The following GLDC variants were observed in gnomAD, a reference collection of about 807,000 sequenced individuals.
GLDC encodes glycine decarboxylase, also known as glycine dehydrogenase (decarboxylating), mitochondrial.
GLDC carries 104 observed loss-of-function variants against 121.3 expected under a neutral mutation model. The ratio of observed to expected loss-of-function variants is 0.86; its 90% CI spans 0.73 to 1.01. GLDC has a LOEUF of 1.01. Among genes scored for constraint, GLDC ranks in the 50% least tolerant of loss-of-function variants. The pLI, the probability that GLDC is intolerant of heterozygous loss-of-function variation, is 0.00. For missense variants in GLDC, 1,429 were observed against 1,306.6 expected, an observed-to-expected ratio of 1.09 and a Z score of -1.44; for synonymous variants, 546 against 480.6, an observed-to-expected ratio of 1.14 and a Z score of -1.78.
intron 9 of GLDC, among the ~76,000 whole-genome samples, chr9:6,594,798 GAAAT>G (rs1347441139): frequency 7.5e-5 from 9 of 119,468 alleles, no homozygotes; most frequent in Non-Finnish European, 1.6e-4. Flanking sequence ...CAAGAAAAAG[GAAAT>G]AAAAGAAAGA....
At chr9:6,586,274 A>T (rs1052598356) in intron 15 of GLDC, among the ~76,000 whole-genome samples, 2 of 152,152 alleles carry the variant, frequency 1.3e-5, no homozygotes, top group Non-Finnish European at 2.9e-5. Flanking sequence ...CAGCCTGGGC[A>T]ACAAGAGCAA....
rs531609427 is a variant in GLDC at position 6,565,264 on chromosome 9, G to A, written c.1926+90C>T. On this transcript the variant is annotated intron_variant, in intron 16 of 24. Transcript: ENST00000321612. ...ATGTTCCCTCATCTGCTTCCAAGAAGGCTTGGAGGGAGTGTCCCACAGAAG... is the reference window on the plus strand; with the variant it reads ...ATGTTCCCTCATCTGCTTCCAAGAAAGCTTGGAGGGAGTGTCCCACAGAAG... 72 of 891,020 alleles carry A rather than the reference G, an allele frequency of 8.1e-5. No homozygotes were observed. In the African/African-American group the frequency reaches 9.9e-4, roughly 12 times the overall value. The allele number at this position is 891,020 out of a possible 1,614,324, so 55.2% of individuals were successfully genotyped here.
In GLDC at chr9:6,610,230, C is replaced by G; in HGVS notation, c.597G>C (p.Glu199Asp). 6.2e-7 allele frequency: 1 copy of G among 1,613,678 alleles called. No individual in the cohort carries two copies. The highest frequency in any genetic ancestry group is 8.5e-7 in the Non-Finnish European group (1 of 1,179,828). Residue 199 changes from glutamate to aspartate, a missense_variant, in exon 4 of 25, where the codon GAG becomes GAC. By Grantham distance (45) the Glu-to-Asp change is conservative (BLOSUM62 2). Coordinates refer to ENST00000321612, the MANE Select transcript of GLDC (RefSeq NM_000170.3). ...LDMANASLLD[E>D]GTAAAEALQL... ...GCAGTGCCTCTGCGGCTGCAGTCCC[C>G]TCATCCAGCAGGGATGCATTGGCCA...
At chr9:6,558,511 G>T in intron 17 of GLDC, 48 bp downstream of exon 17, 3 of 1,606,218 alleles carry the variant, frequency 1.9e-6, no homozygotes, top group Non-Finnish European at 2.6e-6. Context: ...ATCCCCACCA[G>T]CACTCCCCAT....
chr9:6,585,172 T>G (rs1421707277), intron 15 of GLDC: 6 of 152,204 alleles, frequency 3.9e-5, no homozygotes, highest in Non-Finnish European at 7.3e-5. Context: ...AAACCACTGC[T>G]TTAAGAAGAC....
intron 2 of GLDC, among the ~76,000 whole-genome samples, chr9:6,632,123 G>A (rs937983104): frequency 2.6e-5 from 4 of 152,320 alleles, no homozygotes; most frequent in Admixed American, 6.5e-5. Flanking sequence ...CAAGTAAATT[G>A]TAATCTCTTA....
Position 6,618,336 on chromosome 9 carries a change from T to C in GLDC, c.470+1848A>G, listed in dbSNP as rs114948877. Among the ~76,000 whole-genome samples the C allele has an allele frequency of 6.1e-3, 923 of 152,206 alleles. 14 individuals carry two copies. The highest frequency in any genetic ancestry group is 0.021 in the African/African-American group (883 of 41,550). On this transcript the variant is annotated intron_variant, in intron 3 of 24. Transcript: ENST00000321612. Reference sequence around the variant, plus strand: ...TATCCCAGTGAACAGCAGAGGCAGATGTCCTTAACTGCCCAGGCTGGAGTG... The same window carrying C: ...TATCCCAGTGAACAGCAGAGGCAGACGTCCTTAACTGCCCAGGCTGGAGTG...
chr9:6,624,164 A>G lies in GLDC; in HGVS notation c.335-3845T>C, dbSNP rs563195833. On this transcript the variant is annotated intron_variant, in intron 2 of 24. Coordinates refer to ENST00000321612, the MANE Select transcript of GLDC (RefSeq NM_000170.3). ...GGAGATACAGTAAGAGGCCAGCACT[A>G]TAGTCCAGGAGGGAGATGGATAAGA... Among the ~76,000 whole-genome samples the G allele has an allele frequency of 4.3e-3, 652 of 152,362 alleles. 1 individual carries two copies. The highest frequency in any genetic ancestry group is 0.014 in the African/African-American group (598 of 41,590).
chr9:6,559,764 G>A (rs1177597406), intron 16 of GLDC, among the ~76,000 whole-genome samples: 12 of 151,780 alleles, frequency 7.9e-5, no homozygotes, highest in East Asian at 3.9e-4. Flanking sequence ...GCAGCGAGCC[G>A]AGATCGCGCC....
At chr9:6,583,909 C>G (rs941230479) in intron 15 of GLDC, among the ~76,000 whole-genome samples, 2 of 152,134 alleles carry the variant, frequency 1.3e-5, no homozygotes, top group African/African-American at 4.8e-5. Flanking sequence ...AGGTCCTGAG[C>G]TTGAATTTGA....
At chr9:6,565,333 G>T (rs547215544) in intron 16 of GLDC, 21 bp downstream of exon 16, 1 of 1,577,726 alleles carries the variant, frequency 6.3e-7, no homozygotes, top group East Asian at 2.2e-5. Context: ...GTGAGCAAGC[G>T]CCACCTCCTG....
intron 2 of GLDC, among the ~76,000 whole-genome samples, chr9:6,637,854 A>AT (rs1161820249): frequency 1.3e-5 from 2 of 150,374 alleles, no homozygotes; most frequent in South Asian, 2.1e-4. Context: ...CACATTAAAA[A>AT]TTTTTTTTTA....
intron 11 of GLDC, chr9:6,591,840 C>A (rs1379970831): frequency 8.3e-6 from 2 of 241,254 alleles, no homozygotes; most frequent in Non-Finnish European, 1.7e-5. Context: ...CCCCCGCCCC[C>A]CTGACCTCCC....
chr9:6,554,031 G>A (rs1262273456), intron 19 of GLDC, among the ~76,000 whole-genome samples: 1 of 152,078 alleles, frequency 6.6e-6, no homozygotes, highest in African/African-American at 2.4e-5. Flanking sequence ...AGAAGGCCAA[G>A]CTTCCAGCAA....
intron 16 of GLDC, among the ~76,000 whole-genome samples, chr9:6,563,165 C>T (rs563040202): frequency 1.3e-5 from 2 of 152,354 alleles, no homozygotes; most frequent in South Asian, 2.1e-4. Flanking sequence ...GGAAGAACCC[C>T]GCCCAGGCCA....
chr9:6,628,144 T>C (rs1446991405), intron 2 of GLDC, among the ~76,000 whole-genome samples: 2 of 152,148 alleles, frequency 1.3e-5, no homozygotes, highest in Non-Finnish European at 2.9e-5. Context: ...AAGGACACAA[T>C]TCCTACCACT....
At chr9:6,543,852 A>G (rs1817325721) in intron 21 of GLDC, among the ~76,000 whole-genome samples, 1 of 151,734 alleles carries the variant, frequency 6.6e-6, no homozygotes, top group East Asian at 1.9e-4. Context: ...CAGTGACTAC[A>G]GCTGAGAAGG....
At chr9:6,570,717 T>C (rs1428066592) in intron 15 of GLDC, among the ~76,000 whole-genome samples, 1 of 151,904 alleles carries the variant, frequency 6.6e-6, no homozygotes, top group Admixed American at 6.6e-5. Context: ...AGCTGGGCGT[T>C]GTGGCAGGTG....
chr9:6,604,459 T>C (rs938248221), intron 7 of GLDC, 129 bp downstream of exon 7: 15 of 846,328 alleles, frequency 1.8e-5, no homozygotes, highest in Middle Eastern at 3.5e-4. Flanking sequence ...CTTCTGAATC[T>C]ATGTTGTACA....
Sources: allele counts gnomAD v4.1 joint callset (sites outside exome capture counted in the v4.1 genomes callset), GRCh38; gene constraint gnomAD v4.1.1; transcripts MANE v1.5; gene names NCBI Gene and HGNC (gene_info 2026-07-23, HGNC 2026-07-21).